The following SHANK2 variants were observed in gnomAD, a reference collection of about 807,000 sequenced individuals.
The protein encoded by SHANK2 is SH3 and multiple ankyrin repeat domains 2.
In SHANK2, 43 loss-of-function variants were observed where a neutral mutation model predicts 133.7. The ratio of observed to expected loss-of-function variants is 0.32; its 90% CI spans 0.25 to 0.41. SHANK2 has a LOEUF of 0.41. Ranked by LOEUF, SHANK2 falls within the 10% of genes least tolerant of loss-of-function variation. The pLI, the probability that SHANK2 is intolerant of heterozygous loss-of-function variation, is 1.00. For missense variants in SHANK2, 1,994 were observed against 2,235.8 expected, an observed-to-expected ratio of 0.89 and a Z score of 2.18; for synonymous variants, 1,017 against 952.8, an observed-to-expected ratio of 1.07 and a Z score of -1.24.
intron 23 of SHANK2, 57 bp from the exon 24 acceptor site, chr11:70,489,405 T>C (rs1446908482): frequency 6.3e-6 from 10 of 1,578,674 alleles, no homozygotes; most frequent in Non-Finnish European, 7.8e-6. Flanking sequence ...ATACGCAGCT[T>C]TCCCTGAGTT....
intron 17 of SHANK2, among the ~76,000 whole-genome samples, chr11:70,580,194 G>A (rs566269852): frequency 3.3e-5 from 5 of 152,344 alleles, no homozygotes; most frequent in Admixed American, 2.6e-4. Context: ...TGCTGCGAAG[G>A]GACACTTTGC....
chr11:71,176,262 G>T (rs1953442339), intron 2 of SHANK2, among the ~76,000 whole-genome samples: 1 of 152,188 alleles, frequency 6.6e-6, no homozygotes, highest in South Asian at 2.1e-4. Context: ...CCCCCAAAAA[G>T]CTCAAGAATA....
chr11:70,579,687 C>T lies in SHANK2; in HGVS notation c.2062-76756G>A, dbSNP rs1221572101. ...CAGCCTGCTGTGGTCAGCAAAGCCA[C>T]GGCTGCAAGATGTCTACGCCCTAAT... is the stretch of plus-strand genomic sequence containing the variant. On this transcript the variant is annotated intron_variant, in intron 17 of 25. Transcript: ENST00000601538. Among the ~76,000 whole-genome samples, 8 of 152,242 alleles carry T rather than the reference C, an allele frequency of 5.3e-5. No individual in the cohort carries two copies. The East Asian group carries it at 5.8e-4, about 11-fold the overall frequency.
At chr11:70,946,365 C>T (rs1270097425) in intron 10 of SHANK2, among the ~76,000 whole-genome samples, 1,154 of 115,314 alleles carry the variant, frequency 0.01, no homozygotes, top group African/African-American at 0.019. Context: ...ACCAACACTT[C>T]CCAGGATCAG....
chr11:71,083,983 G>GC lies in SHANK2; in HGVS notation c.912+8438_912+8439insG, dbSNP rs1216153003. 1.3e-4 allele frequency among the ~76,000 whole-genome samples: 20 copies of GC among 150,210 alleles called. 1 individual carries two copies. Among genetic ancestry groups the GC allele is most frequent in the Middle Eastern group, 3.4e-3 (1 of 294 alleles). ...ATTTGAATAACAACTTTTTTTTGGG[G>GC]GGGGGAGACAGAGTCTTGCTCTGTC... On this transcript the variant is annotated intron_variant, in intron 8 of 25. Transcript: ENST00000601538.
chr11:71,197,283 C>CG (rs112882529), intron 2 of SHANK2, among the ~76,000 whole-genome samples: 6,495 of 152,248 alleles, frequency 0.043, 360 homozygotes, highest in African/African-American at 0.12. Flanking sequence ...TGGGCCCTCC[C>CG]GGGTGGGGTG....
chr11:71,119,098 C>A, intron 3 of SHANK2, 66 bp from the exon 4 acceptor site: 2 of 1,441,702 alleles, frequency 1.4e-6, no homozygotes, highest in Non-Finnish European at 1.9e-6. Context: ...CCATGTGGGG[C>A]GCGTGGTCAG....
intron 3 of SHANK2, among the ~76,000 whole-genome samples, chr11:71,124,069 T>G (rs1952126943): frequency 6.7e-6 from 1 of 148,542 alleles, no homozygotes; most frequent in South Asian, 2.2e-4. Context: ...ATAATGGTGA[T>G]GATGGAGATG....
At chr11:70,822,975 G>A (rs1364314202) in intron 11 of SHANK2, among the ~76,000 whole-genome samples, 8 of 112,694 alleles carry the variant, frequency 7.1e-5, no homozygotes, top group African/African-American at 2.2e-4. Flanking sequence ...CAGAGGTGGC[G>A]CTGGCAGAGC....
chr11:70,753,383 T>A lies in SHANK2; in HGVS notation c.1777+45060A>T, dbSNP rs77695406. 5.5e-3 allele frequency among the ~76,000 whole-genome samples: 839 copies of A among 152,198 alleles called. 5 individuals are homozygous for A. Among genetic ancestry groups the A allele is most frequent in the Non-Finnish European group, 8.2e-3 (557 of 68,016 alleles). On this transcript the variant is annotated intron_variant, in intron 14 of 25. Transcript: ENST00000601538. ...AATAACGAGCATAATATACATTCTTTTCAATGTCCACAGAATATTCGCCAA... is the reference window on the plus strand; with the variant it reads ...AATAACGAGCATAATATACATTCTTATCAATGTCCACAGAATATTCGCCAA...
chr11:70,609,036 G>A (rs782630217), intron 17 of SHANK2, among the ~76,000 whole-genome samples: 3 of 152,236 alleles, frequency 2.0e-5, no homozygotes, highest in East Asian at 3.9e-4. Context: ...AACGGGAGAC[G>A]TCTCAAGGGA....
At chr11:70,774,687 G>A (rs1443418485) in intron 14 of SHANK2, among the ~76,000 whole-genome samples, 3 of 152,128 alleles carry the variant, frequency 2.0e-5, no homozygotes, top group African/African-American at 7.2e-5. Context: ...GAGTGGTGAT[G>A]TTTGCACAAT....
At chr11:70,672,067 T>TTTTC (rs1944822164) in intron 15 of SHANK2, among the ~76,000 whole-genome samples, 1 of 35,626 alleles carries the variant, frequency 2.8e-5, no homozygotes, top group African/African-American at 7.6e-5. Context: ...TTTCTTTTTC[T>TTTTC]TTTTTTTTTT....
chr11:70,537,256 C>T (rs2059556487), intron 17 of SHANK2, among the ~76,000 whole-genome samples: 1 of 152,244 alleles, frequency 6.6e-6, no homozygotes, highest in African/African-American at 2.4e-5. Context: ...AGGAAAGAAG[C>T]CCCCAGGGCC....
intron 14 of SHANK2, among the ~76,000 whole-genome samples, chr11:70,784,924 T>C (rs1591841929): frequency 6.6e-6 from 1 of 152,170 alleles, no homozygotes. Context: ...CCACAGGTGG[T>C]CCCCTGCAGG....
chr11:70,784,180 CT>C (rs1160381914), intron 14 of SHANK2, among the ~76,000 whole-genome samples: 300 of 141,852 alleles, frequency 2.1e-3, no homozygotes, highest in Non-Finnish European at 2.1e-3. Context: ...GAAACCCCTG[CT>C]TTTTTTTTTT....
chr11:71,231,995 G>C (rs1241816585), intron 1 of SHANK2, among the ~76,000 whole-genome samples: 2 of 152,094 alleles, frequency 1.3e-5, no homozygotes, highest in Non-Finnish European at 2.9e-5. Flanking sequence ...AAGCTCAATG[G>C]TTAAACAAAC....
At chr11:71,142,998 C>T (rs1381607880) in intron 3 of SHANK2, among the ~76,000 whole-genome samples, 1 of 152,110 alleles carries the variant, frequency 6.6e-6, no homozygotes, top group African/African-American at 2.4e-5. Flanking sequence ...CTTTGGGAGG[C>T]CGAGGCAGGT....
At chr11:71,077,572 A>T (rs1243395351) in intron 8 of SHANK2, among the ~76,000 whole-genome samples, 1 of 152,226 alleles carries the variant, frequency 6.6e-6, no homozygotes, top group Non-Finnish European at 1.5e-5. Context: ...AAAGTCACCC[A>T]GAATCCCACA....
Sources: gnomAD v4.1 joint callset for allele counts (sites outside exome capture counted in the v4.1 genomes callset) on GRCh38, gnomAD v4.1.1 for gene constraint, MANE v1.5 for transcripts, NCBI Gene and HGNC (gene_info 2026-07-23, HGNC 2026-07-21) for gene names.